PDE5A: variants seen among roughly 807,000 people sequenced by gnomAD.
The protein encoded by PDE5A is phosphodiesterase 5A.
A neutral mutation model predicts 110.2 loss-of-function variants in PDE5A; 67 were observed. The ratio of observed to expected loss-of-function variants is 0.61; its 90% confidence interval spans 0.50 to 0.75. The LOEUF (loss-of-function observed/expected upper bound fraction) is 0.75. Among genes scored for constraint, PDE5A ranks in the 30% least tolerant of loss-of-function variants. PDE5A has a pLI of 0.00. For synonymous variants in PDE5A, 328 were observed against 351.2 expected (o/e 0.93, Z 0.74); for missense variants, 862 against 1,045.1 (o/e 0.82, Z 2.42).
chr4:119,511,021 TC>T, intron 15 of PDE5A, 25 bp downstream of exon 15: 1 of 1,263,818 alleles, frequency 7.9e-7, no homozygotes, highest in Non-Finnish European at 1.1e-6. Flanking sequence ...CTTTTAAAAT[TC>T]CACAACAATA....
In PDE5A at chr4:119,596,530, C is replaced by G. The variant is rs200880547; in HGVS notation, c.824G>C (p.Arg275Thr). The G allele has an allele frequency of 3.7e-5, 58 of 1,578,336 alleles. No individual in the cohort carries two copies. ...AATGGAAAATTGGCTTACCTCTTCC[C>G]TATGATTCTTAATTGGCATACAAAG... ...SILCMPIKNHREEVVGVAQAI... is the reference protein window; with the variant it reads ...SILCMPIKNHTEEVVGVAQAI... Residue 275 changes from arginine (R) to threonine (T), a missense_variant, in exon 3 of 21, where the codon AGG becomes ACG. By Grantham distance (71) the Arg-to-Thr change is moderately conservative (BLOSUM62 -1). Transcript: ENST00000354960.
At position 119,552,634 on chromosome 4, in the gene PDE5A, C is replaced by T. The variant is rs991951136; in HGVS notation, c.1312G>A (p.Glu438Lys). 1 of 1,512,282 alleles carries T rather than the reference C, an allele frequency of 6.6e-7. No individual in the cohort carries two copies. The highest frequency in any genetic ancestry group is 1.4e-5 in the African/African-American group (1 of 70,874). The allele number at this position is 1,512,282 out of a possible 1,614,324, so 93.7% of individuals were successfully genotyped here. ...TGCTGGTTTACATTTCCTGTATTTT[C>T]AGTCTAAACAAAAATAAAAAGAACA... ...SKDKRFPWTT[E>K]NTGNVNQQCI... The change falls in exon 9 of 21, where the codon GAA becomes AAA. Residue 438 changes from glutamate (E) to lysine (K), a missense_variant. By Grantham distance (56) the Glu-to-Lys change is moderately conservative (BLOSUM62 1). Coordinates refer to ENST00000354960, the MANE Select transcript of PDE5A (RefSeq NM_001083.4).
At chr4:119,623,477 G>A (rs1177215920) in intron 1 of PDE5A, among the ~76,000 whole-genome samples, 1 of 152,168 alleles carries the variant, frequency 6.6e-6, no homozygotes, top group Non-Finnish European at 1.5e-5. Flanking sequence ...GCAATTATAG[G>A]TTTAACTTCT....
At chr4:119,580,666 G>A (rs544593392) in intron 3 of PDE5A, among the ~76,000 whole-genome samples, 13 of 152,214 alleles carry the variant, frequency 8.5e-5, no homozygotes, top group African/African-American at 2.9e-4. Context: ...CAAACCAGTC[G>A]CCTAAAGCAT....
At position 119,610,689 on chromosome 4, in the gene PDE5A, G is replaced by A. The variant is rs1335988788; in HGVS notation, c.153-3392C>T. On this transcript the variant is annotated intron_variant, in intron 1 of 20. Coordinates refer to ENST00000354960, the MANE Select transcript of PDE5A (RefSeq NM_001083.4). ...CACAGTTACTCAAACCAAACACGTA[G>A]GAATTACTCTAAATTTCTGTTTCCT... 2.0e-5 allele frequency among the ~76,000 whole-genome samples: 3 copies of A among 152,048 alleles called. No homozygotes were observed. The East Asian group carries it at 5.8e-4, about 29-fold the overall frequency.
rs1727435724 is a variant in PDE5A at position 119,553,548 on chromosome 4, G to T, written c.1308+90C>A. 9.2e-6 allele frequency: 7 copies of T among 760,752 alleles called. No individual in the cohort carries two copies. In the South Asian group the frequency reaches 1.0e-4, roughly 11 times the overall value. The allele number at this position is 760,752 out of a possible 1,614,324, so 47.1% of individuals were successfully genotyped here. A position where few individuals can be genotyped will look rare whatever the true frequency, so the allele number is the denominator to read the frequency against. On this transcript the variant is annotated intron_variant, in intron 8 of 20. Transcript: ENST00000354960. ...GATCATTCCTAAACAGTCAATTCTAGAGCCAGTCCTTCAGTTCAAGAATAA... is the reference window on the plus strand; with the variant it reads ...GATCATTCCTAAACAGTCAATTCTATAGCCAGTCCTTCAGTTCAAGAATAA...
At chr4:119,576,518 T>G (rs1277449924) in intron 3 of PDE5A, among the ~76,000 whole-genome samples, 1 of 152,058 alleles carries the variant, frequency 6.6e-6, no homozygotes, top group Admixed American at 6.5e-5. Context: ...AAACTAGAAC[T>G]CAGGATTAAG....
chr4:119,498,264 T>A lies in PDE5A; in HGVS notation c.*337A>T. On this transcript the variant is annotated 3_prime_UTR_variant, in exon 21 of 21. Coordinates refer to ENST00000354960, the MANE Select transcript of PDE5A (RefSeq NM_001083.4). ...GTAATTCAGAAAACACAAAAACCAA[T>A]TATTTAAAATAATCCCCAAGCAAAA... 1 of 180,736 alleles carries A rather than the reference T, an allele frequency of 5.5e-6. No homozygotes were observed. The highest frequency in any genetic ancestry group is 2.3e-5 in the African/African-American group (1 of 42,656). 11.2% of individuals were successfully genotyped at this position (180,736 alleles called of 1,614,324 possible). A position where few individuals can be genotyped will look rare whatever the true frequency, so the allele number is the denominator to read the frequency against.
At chr4:119,595,462 T>C (rs10032993) in intron 3 of PDE5A, among the ~76,000 whole-genome samples, 117,682 of 151,864 alleles carry the variant, frequency 0.77, 45,757 homozygotes, top group East Asian at 0.89. Context: ...AAATTAGCAT[T>C]TGAATCAGTA....
chr4:119,617,140 C>T (rs1020750497), intron 1 of PDE5A, among the ~76,000 whole-genome samples: 2 of 152,036 alleles, frequency 1.3e-5, no homozygotes, highest in Non-Finnish European at 2.9e-5. Flanking sequence ...AAAACCTTCC[C>T]CCCTTTCCAA....
At chr4:119,582,953 C>T (rs1477471304) in intron 3 of PDE5A, among the ~76,000 whole-genome samples, 1 of 152,080 alleles carries the variant, frequency 6.6e-6, no homozygotes, top group African/African-American at 2.4e-5. Context: ...TCTTAAGGGC[C>T]CTAGGATTTT....
rs11734241 is a variant in PDE5A, at chr4:119,495,717, A to G, written c.*2884T>C. On this transcript the variant is annotated 3_prime_UTR_variant, in exon 21 of 21. Coordinates refer to ENST00000354960, the MANE Select transcript of PDE5A (RefSeq NM_001083.4). Reference sequence around the variant, plus strand: ...TCAAAATTAAGAGACAGTGGTGACAACATCATCATCCTGGGTTTGTACCTT... The same window carrying G: ...TCAAAATTAAGAGACAGTGGTGACAGCATCATCATCCTGGGTTTGTACCTT... 0.27 allele frequency: 40,472 copies of G among 152,336 alleles called. 5,489 individuals carry two copies. The highest frequency in any genetic ancestry group is 0.38 in the East Asian group (1,977 of 5,154). 9.4% of individuals were successfully genotyped at this position (152,336 alleles called of 1,614,324 possible).
At chr4:119,510,060 G>A (rs535079223) in intron 15 of PDE5A, among the ~76,000 whole-genome samples, 20 of 140,152 alleles carry the variant, frequency 1.4e-4, no homozygotes, top group African/African-American at 5.1e-4. Context: ...TGGGGAGAGA[G>A]GAAGGAGTTA....
chr4:119,592,350 C>T (rs1173849231), intron 3 of PDE5A, among the ~76,000 whole-genome samples: 3 of 147,648 alleles, frequency 2.0e-5, no homozygotes, highest in Non-Finnish European at 4.5e-5. Flanking sequence ...TCCAGGTACT[C>T]AGGAGGCTGA....
intron 1 of PDE5A, among the ~76,000 whole-genome samples, chr4:119,620,310 T>C (rs576041909): frequency 6.6e-6 from 1 of 152,328 alleles, no homozygotes; most frequent in South Asian, 2.1e-4. Context: ...AGTTATTTAG[T>C]ATTTCTAAGT....
chr4:119,565,660 C>A (rs987166334), intron 4 of PDE5A, among the ~76,000 whole-genome samples: 5 of 151,944 alleles, frequency 3.3e-5, no homozygotes, highest in African/African-American at 1.2e-4. Flanking sequence ...TCTCTTTATA[C>A]CACTTGAAGT....
chr4:119,557,928 G>A lies in PDE5A; in HGVS notation c.1199+2368C>T, dbSNP rs969272194. Among the ~76,000 whole-genome samples the A allele has an allele frequency of 2.0e-5, 3 of 152,124 alleles. No homozygotes were observed. The South Asian group carries it at 6.2e-4, about 32-fold the overall frequency. ...ATCAATAACAAGTATAAACTAATATGTATATTCCAAGAAAGTGACCTAAAA... is the reference window on the plus strand; with the variant it reads ...ATCAATAACAAGTATAAACTAATATATATATTCCAAGAAAGTGACCTAAAA... On this transcript the variant is annotated intron_variant, in intron 7 of 20. Coordinates refer to ENST00000354960, the MANE Select transcript of PDE5A (RefSeq NM_001083.4).
intron 9 of PDE5A, among the ~76,000 whole-genome samples, chr4:119,544,482 T>C (rs1254001532): frequency 6.6e-6 from 1 of 152,218 alleles, no homozygotes; most frequent in Non-Finnish European, 1.5e-5. Flanking sequence ...CCAAGGGTTA[T>C]GTCCTTCAAC....
intron 1 of PDE5A, among the ~76,000 whole-genome samples, chr4:119,620,644 T>C (rs1186827955): frequency 6.6e-6 from 1 of 152,178 alleles, no homozygotes; most frequent in African/African-American, 2.4e-5. Context: ...CTTTACTTTG[T>C]TCTATAAAAT....
Sources: gnomAD v4.1 joint callset for allele counts (sites outside exome capture counted in the v4.1 genomes callset) on GRCh38, gnomAD v4.1.1 for gene constraint, MANE v1.5 for transcripts, NCBI Gene and HGNC (gene_info 2026-07-23, HGNC 2026-07-21) for gene names.